The following UBE3D variants were observed in gnomAD, a reference collection of about 807,000 sequenced individuals.
The protein encoded by UBE3D is E3 ubiquitin-protein ligase E3D.
A neutral mutation model predicts 49.6 loss-of-function variants in UBE3D; 48 were observed. The observed-to-expected ratio is 0.97, with a 90% CI of 0.77 to 1.23. The LOEUF (loss-of-function observed/expected upper bound fraction) is 1.23, where lower values mean the gene tolerates loss of function less well. Ranked by LOEUF, UBE3D falls within the 50% of genes most tolerant of loss-of-function variation. The pLI is 0.00. For synonymous variants in UBE3D, 189 were observed against 174.2 expected, an observed-to-expected ratio of 1.08 and a Z score of -0.67; for missense variants, 452 against 468.4, an observed-to-expected ratio of 0.96 and a Z score of 0.32.
intron 9 of UBE3D, among the ~76,000 whole-genome samples, chr6:82,946,075 T>C (rs1775379516): frequency 1.3e-5 from 2 of 152,164 alleles, no homozygotes; most frequent in East Asian, 1.9e-4. Flanking sequence ...GAGAAAGAGA[T>C]AAGGGAAGTA....
intron 8 of UBE3D, among the ~76,000 whole-genome samples, chr6:82,964,523 C>T (rs1776772714): frequency 6.6e-6 from 1 of 151,992 alleles, no homozygotes; most frequent in African/African-American, 2.4e-5. Flanking sequence ...ACTCTTCAAC[C>T]CTAGAAGAAC....
At chr6:83,038,324 C>A in intron 5 of UBE3D, 92 bp downstream of exon 5, 1 of 1,015,604 alleles carries the variant, frequency 9.8e-7, no homozygotes, top group South Asian at 1.4e-5. Context: ...ATATATTAAT[C>A]ATCTATCTTT....
chr6:82,957,771 T>C (rs1028638266), intron 8 of UBE3D, among the ~76,000 whole-genome samples: 9 of 152,184 alleles, frequency 5.9e-5, no homozygotes, highest in African/African-American at 7.2e-5. Context: ...GAATGCTTCC[T>C]ACATTCTATG....
intron 9 of UBE3D, among the ~76,000 whole-genome samples, chr6:82,918,445 A>G (rs1773090457): frequency 6.6e-6 from 1 of 152,196 alleles, no homozygotes; most frequent in African/African-American, 2.4e-5. Flanking sequence ...AAATGATGGT[A>G]TCAGGTATTA....
At chr6:82,932,163 C>T (rs1224392599) in intron 9 of UBE3D, among the ~76,000 whole-genome samples, 3 of 152,250 alleles carry the variant, frequency 2.0e-5, no homozygotes, top group Non-Finnish European at 4.4e-5. Context: ...TCAATTAAAC[C>T]TCTTTTCTTT....
intron 9 of UBE3D, among the ~76,000 whole-genome samples, chr6:82,900,666 T>C (rs1404582914): frequency 6.6e-6 from 1 of 152,148 alleles, no homozygotes; most frequent in Non-Finnish European, 1.5e-5. Flanking sequence ...TAGTTATCAG[T>C]GGAAAAGTGT....
chr6:82,935,619 T>C (rs1774512263), intron 9 of UBE3D, among the ~76,000 whole-genome samples: 1 of 152,114 alleles, frequency 6.6e-6, no homozygotes, highest in Non-Finnish European at 1.5e-5. Context: ...GACATCACTG[T>C]AAATCTATAG....
intron 3 of UBE3D, chr6:83,049,770 C>G (rs1403931511): frequency 6.4e-6 from 3 of 470,964 alleles, no homozygotes; most frequent in Non-Finnish European, 1.3e-5. Context: ...TGTTTCAAAT[C>G]ATCTGAAAAT....
intron 9 of UBE3D, among the ~76,000 whole-genome samples, chr6:82,942,976 GCCCAT>G (rs1775125048): frequency 1.3e-5 from 2 of 152,178 alleles, no homozygotes; most frequent in South Asian, 4.1e-4. Context: ...CTCAACACCA[GCCCAT>G]GAAAGCAGCC....
intron 8 of UBE3D, among the ~76,000 whole-genome samples, chr6:82,958,878 T>C (rs1776350515): frequency 6.6e-6 from 1 of 152,230 alleles, no homozygotes; most frequent in Non-Finnish European, 1.5e-5. Flanking sequence ...TATACATTTT[T>C]TGGCACAGAG....
chr6:82,892,112 A>G (rs1411825901), downstream of UBE3D, among the ~76,000 whole-genome samples: 1 of 152,242 alleles, frequency 6.6e-6, no homozygotes, highest in Non-Finnish European at 1.5e-5. Context: ...CCAATTGAGC[A>G]GCAAGGATAT....
At chr6:82,927,342 G>A (rs1454249470) in intron 9 of UBE3D, among the ~76,000 whole-genome samples, 1 of 151,708 alleles carries the variant, frequency 6.6e-6, no homozygotes, top group African/African-American at 2.4e-5. Flanking sequence ...GCTAGTTGGG[G>A]TATTTTGCCT....
Position 82,933,572 on chromosome 6 carries a change from T to C in UBE3D, c.1149+23740A>G, listed in dbSNP as rs117388300. 5.7e-3 allele frequency among the ~76,000 whole-genome samples: 867 copies of C among 152,302 alleles called. 17 individuals are homozygous for C. Among genetic ancestry groups the C allele is most frequent in the East Asian group, 0.018 (91 of 5,192 alleles). ...CCCATCCTGAACATCCTTGACTCCATAGGTAGAGTGTAGTGGTAAAATGTG... is the reference window on the plus strand; with the variant it reads ...CCCATCCTGAACATCCTTGACTCCACAGGTAGAGTGTAGTGGTAAAATGTG... On this transcript the variant is annotated intron_variant, in intron 9 of 9. Transcript: ENST00000369747.
intron 9 of UBE3D, among the ~76,000 whole-genome samples, chr6:82,955,899 G>C (rs1231011443): frequency 6.6e-6 from 1 of 152,136 alleles, no homozygotes; most frequent in East Asian, 1.9e-4. Flanking sequence ...GTTCTTTAAG[G>C]TCCTTTGAGA....
intron 3 of UBE3D, among the ~76,000 whole-genome samples, chr6:83,053,151 G>A (rs1014298013): frequency 3.0e-5 from 1 of 33,282 alleles, no homozygotes; most frequent in Non-Finnish European, 6.7e-5. Context: ...AAACTCATCA[G>A]CAATTGTTAG....
chr6:82,890,827 A>T (rs1196196685), downstream of UBE3D, among the ~76,000 whole-genome samples: 1 of 152,226 alleles, frequency 6.6e-6, no homozygotes, highest in Non-Finnish European at 1.5e-5. Flanking sequence ...TATCTGTGCA[A>T]TCACAAGCAC....
the UBE3D span, among the ~76,000 whole-genome samples, chr6:82,883,451 C>T: frequency 6.6e-6 from 1 of 152,150 alleles, no homozygotes; most frequent in Non-Finnish European, 1.5e-5. Context: ...CATTAGGCAT[C>T]GTCCTAAGCA....
intron 9 of UBE3D, among the ~76,000 whole-genome samples, chr6:82,913,489 T>C (rs2127728257): frequency 6.6e-6 from 1 of 152,332 alleles, no homozygotes. Context: ...CTACTTCATT[T>C]ACCCATGACC....
At chr6:83,019,414 A>G (rs1562192300) in intron 7 of UBE3D, among the ~76,000 whole-genome samples, 2 of 152,164 alleles carry the variant, frequency 1.3e-5, no homozygotes, top group African/African-American at 4.8e-5. Context: ...TAAGGGGGTA[A>G]AACAGCCCAA....
Sources: gnomAD v4.1 joint callset for allele counts (sites outside exome capture counted in the v4.1 genomes callset) on GRCh38, gnomAD v4.1.1 for gene constraint, MANE v1.5 for transcripts, NCBI Gene and HGNC (gene_info 2026-07-23, HGNC 2026-07-21) for gene names.